Variants in MEGF10 observed in about 807,000 individuals in gnomAD.
MEGF10 encodes multiple epidermal growth factor-like domains protein 10.
Under a neutral mutation model 147.5 loss-of-function variants are expected in MEGF10, and 86 were observed. The ratio of observed to expected loss-of-function variants is 0.58; its 90% CI spans 0.49 to 0.70. The LOEUF is 0.70. Among genes scored for constraint, MEGF10 ranks in the 30% least tolerant of loss-of-function variants. The pLI is 0.00. For synonymous variants in MEGF10, 478 were observed against 525.5 expected (o/e 0.91, Z 1.24); for missense variants, 1,329 against 1,487.3 (o/e 0.89, Z 1.75).
intron 3 of MEGF10, 51 bp from the exon 4 acceptor site, chr5:127,340,479 T>C: frequency 1.4e-6 from 2 of 1,411,856 alleles, no homozygotes; most frequent in Non-Finnish European, 2.0e-6. Context: ...TGAAATACTT[T>C]GCTTTTCAGA....
intron 4 of MEGF10, 36 bp downstream of exon 4, chr5:127,340,666 T>C (rs1156818770): frequency 6.4e-7 from 1 of 1,560,624 alleles, no homozygotes; most frequent in Admixed American, 1.7e-5. Context: ...GATTCGCTAG[T>C]TTTTCCCAGT....
At chr5:127,291,574 C>A (rs1436952374) in intron 1 of MEGF10, among the ~76,000 whole-genome samples, 4 of 152,160 alleles carry the variant, frequency 2.6e-5, no homozygotes, top group Admixed American at 1.3e-4. Flanking sequence ...TTCCTGAGTT[C>A]TCAGCGATCA....
chr5:127,348,989 G>A (rs939670644), intron 4 of MEGF10, among the ~76,000 whole-genome samples: 2 of 152,040 alleles, frequency 1.3e-5, no homozygotes, highest in Admixed American at 6.6e-5. Context: ...CCAGCGCTTT[G>A]AAAGGTGACA....
At chr5:127,297,698 A>T (rs1759568405) in intron 1 of MEGF10, among the ~76,000 whole-genome samples, 1 of 152,240 alleles carries the variant, frequency 6.6e-6, no homozygotes, top group Non-Finnish European at 1.5e-5. Context: ...GAATAATTTT[A>T]TAATAGGCAC....
intron 2 of MEGF10, among the ~76,000 whole-genome samples, chr5:127,335,842 C>T (rs1230174583): frequency 6.6e-6 from 1 of 151,682 alleles, no homozygotes; most frequent in African/African-American, 2.4e-5. Flanking sequence ...CTGTCTCTTG[C>T]TCTGTTTTTT....
chr5:127,371,152 G>T (rs1017946675), intron 5 of MEGF10, among the ~76,000 whole-genome samples: 4 of 151,666 alleles, frequency 2.6e-5, no homozygotes, highest in Non-Finnish European at 4.4e-5. Context: ...CACTTGGTGT[G>T]AAAGAGCCTT....
At position 127,338,978 on chromosome 5, in the gene MEGF10, A is replaced by G. The variant is rs1170851661; in HGVS notation, c.117-142A>G. The G allele has an allele frequency of 1.3e-5, 6 of 447,084 alleles. No individual in the cohort carries two copies. The East Asian group carries it at 1.4e-4, about 10-fold the overall frequency. 27.7% of individuals were successfully genotyped at this position (447,084 alleles called of 1,614,324 possible). A position where few individuals can be genotyped will look rare whatever the true frequency, so the allele number is the denominator to read the frequency against. On this transcript the variant is annotated intron_variant, in intron 2 of 24. Coordinates refer to ENST00000503335, the MANE Select transcript of MEGF10 (RefSeq NM_001256545.2). Reference sequence around the variant, plus strand: ...GGGGTTCTAGTTTAAATAAAAACCCATAAAAACATGGAAATTGTCTGTTAA... The same window carrying G: ...GGGGTTCTAGTTTAAATAAAAACCCGTAAAAACATGGAAATTGTCTGTTAA...
intron 4 of MEGF10, among the ~76,000 whole-genome samples, chr5:127,361,334 A>C (rs1762463770): frequency 6.6e-6 from 1 of 151,874 alleles, no homozygotes; most frequent in South Asian, 2.1e-4. Context: ...ATTAACATTT[A>C]CCTGTAAAAA....
the MEGF10 span, among the ~76,000 whole-genome samples, chr5:127,266,639 C>T: frequency 3.3e-5 from 5 of 152,088 alleles, no homozygotes. Context: ...TCCTTCACAT[C>T]CCTTGTAAGT....
intron 19 of MEGF10, 147 bp downstream of exon 19, chr5:127,443,273 A>C: frequency 1.2e-6 from 1 of 854,342 alleles, no homozygotes; most frequent in Non-Finnish European, 1.6e-6. Flanking sequence ...TAATTGCCAG[A>C]TGAATGCCTT....
At chr5:127,448,422 C>G (rs1170039742) in intron 21 of MEGF10, among the ~76,000 whole-genome samples, 1 of 152,162 alleles carries the variant, frequency 6.6e-6, no homozygotes, top group African/African-American at 2.4e-5. Flanking sequence ...ACCCAACTCA[C>G]CCCAGGTCTT....
At position 127,360,322 on chromosome 5, in the gene MEGF10, C is replaced by T. The variant is rs372829875; in HGVS notation, c.320-9588C>T. Among the ~76,000 whole-genome samples the T allele has an allele frequency of 7.9e-5, 12 of 151,932 alleles. 1 individual carries two copies. The highest frequency in any genetic ancestry group is 4.6e-4 in the Admixed American group (7 of 15,266). On this transcript the variant is annotated intron_variant, in intron 4 of 24. Transcript: ENST00000503335. The stretch of plus-strand genomic sequence containing the variant: ...ATATAGAAATATAATTGAGGTTTTG[C>T]GTAGTGACTTTTATCTGTAATTTTG...
chr5:127,402,264 T>C (rs998671947), intron 7 of MEGF10, among the ~76,000 whole-genome samples: 2 of 152,222 alleles, frequency 1.3e-5, no homozygotes, highest in Admixed American at 1.3e-4. Flanking sequence ...TGTAACTTTG[T>C]TTTAAACTTC....
intron 4 of MEGF10, among the ~76,000 whole-genome samples, chr5:127,352,862 G>T (rs1043742418): frequency 2.6e-5 from 4 of 152,184 alleles, no homozygotes; most frequent in Non-Finnish European, 5.9e-5. Context: ...CAGTTTGAGA[G>T]AGAGACTTTA....
chr5:127,371,811 TA>T (rs1395198068), intron 5 of MEGF10, among the ~76,000 whole-genome samples: 3 of 152,236 alleles, frequency 2.0e-5, no homozygotes, highest in Non-Finnish European at 2.9e-5. Context: ...TGAAATATGA[TA>T]TTGAAGCAAC....
At chr5:127,416,909 A>G (rs927302987) in intron 9 of MEGF10, among the ~76,000 whole-genome samples, 1 of 152,218 alleles carries the variant, frequency 6.6e-6, no homozygotes, top group African/African-American at 2.4e-5. Context: ...TATGGATATG[A>G]CACAGGTGTT....
chr5:127,428,026 C>T (rs1360369313), intron 13 of MEGF10, among the ~76,000 whole-genome samples: 1 of 151,922 alleles, frequency 6.6e-6, no homozygotes, highest in Non-Finnish European at 1.5e-5. Context: ...GGGAGGTGCT[C>T]ATTTCCCCCA....
At chr5:127,265,849 A>C in the MEGF10 span, among the ~76,000 whole-genome samples, 3 of 151,534 alleles carry the variant, frequency 2.0e-5, no homozygotes, top group African/African-American at 7.3e-5. Context: ...GATTGCAAAA[A>C]TTTTCTCCCA....
At chr5:127,304,589 GT>G (rs2126721209) in intron 1 of MEGF10, among the ~76,000 whole-genome samples, 1 of 152,312 alleles carries the variant, frequency 6.6e-6, no homozygotes, top group South Asian at 2.1e-4. Flanking sequence ...TGCCTCCTGG[GT>G]TCAAGTGATT....
Sources: allele counts gnomAD v4.1 joint callset (sites outside exome capture counted in the v4.1 genomes callset), GRCh38; gene constraint gnomAD v4.1.1; transcripts MANE v1.5; gene names NCBI Gene and HGNC (gene_info 2026-07-23, HGNC 2026-07-21).